The following SCMH1 variants were observed in gnomAD, a reference collection of about 807,000 sequenced individuals.
SCMH1 encodes polycomb protein SCMH1.
A neutral mutation model predicts 70.8 loss-of-function variants in SCMH1; 37 were observed. The observed-to-expected ratio is 0.52, with a 90% CI of 0.40 to 0.69. The LOEUF (loss-of-function observed/expected upper bound fraction) is 0.69. SCMH1 is among the 30% of genes least tolerant of loss of function. The pLI is 0.00. For synonymous variants in SCMH1, 292 were observed against 307.4 expected, an observed-to-expected ratio of 0.95 and a Z score of 0.52; for missense variants, 607 against 827.3, an observed-to-expected ratio of 0.73 and a Z score of 3.27.
chr1:41,159,736 C>T (rs1213158123), intron 4 of SCMH1: 1 of 1,532,372 alleles, frequency 6.5e-7, no homozygotes, highest in African/African-American at 1.4e-5. Flanking sequence ...TGCATTATTT[C>T]ATTTCATTCA....
In SCMH1 at chr1:41,083,789, T is replaced by C. The variant is rs865952386; in HGVS notation, c.746-8338A>G. 7.2e-5 allele frequency among the ~76,000 whole-genome samples: 11 copies of C among 152,128 alleles called. No homozygotes were observed. The South Asian group carries it at 1.9e-3, about 26-fold the overall frequency. On this transcript the variant is annotated intron_variant, in intron 8 of 14. Transcript: ENST00000337495. ...GTACCAAAACAGAGATATAGATCAA[T>C]GGAACAGAACAGAGCCCTCAGAAAT...
rs180724758 is a variant in SCMH1, at chr1:41,155,701, G to C, written c.107-4017C>G. Among the ~76,000 whole-genome samples, 5 of 152,224 alleles carry C rather than the reference G, an allele frequency of 3.3e-5. No individual in the cohort carries two copies. In the East Asian group the frequency reaches 9.6e-4, roughly 29 times the overall value. Reference sequence around the variant, plus strand: ...AGGTGATACAAAAGTTGACATTTGGGCCGGGCGCAGTAGTTCACTCCTGTA... The same window carrying C: ...AGGTGATACAAAAGTTGACATTTGGCCCGGGCGCAGTAGTTCACTCCTGTA... On this transcript the variant is annotated intron_variant, in intron 4 of 14. Coordinates refer to ENST00000337495, the Ensembl canonical transcript of SCMH1.
At chr1:41,203,356 T>TTAAAA (rs905376136) in intron 1 of SCMH1, among the ~76,000 whole-genome samples, 8 of 152,180 alleles carry the variant, frequency 5.3e-5, no homozygotes, top group Admixed American at 6.5e-5. Flanking sequence ...TTAAATTTAC[T>TTAAAA]TAAAATAAAA....
chr1:41,214,430 A>C (rs1557842898), intron 1 of SCMH1, among the ~76,000 whole-genome samples: 1 of 152,118 alleles, frequency 6.6e-6, no homozygotes, highest in African/African-American at 2.4e-5. Context: ...ATTTTGTCTT[A>C]CTTGAATTAG....
chr1:41,210,109 T>C (rs1033531109), intron 1 of SCMH1, among the ~76,000 whole-genome samples: 12 of 152,132 alleles, frequency 7.9e-5, no homozygotes, highest in Admixed American at 2.0e-4. Flanking sequence ...CCATTCACAA[T>C]TGCTACAAAG....
At chr1:41,077,369 T>C (rs1415156054) in intron 8 of SCMH1, among the ~76,000 whole-genome samples, 2 of 152,092 alleles carry the variant, frequency 1.3e-5, no homozygotes, top group African/African-American at 4.8e-5. Flanking sequence ...ATGTGGCCAG[T>C]TTTTCTCATT....
At chr1:41,107,184 A>G (rs934603220) in intron 8 of SCMH1, among the ~76,000 whole-genome samples, 1 of 151,876 alleles carries the variant, frequency 6.6e-6, no homozygotes, top group African/African-American at 2.4e-5. Flanking sequence ...ATAGCTATAG[A>G]GCAGCCCATG....
chr1:41,176,807 A>G (rs945374702), intron 2 of SCMH1, among the ~76,000 whole-genome samples: 5 of 152,200 alleles, frequency 3.3e-5, no homozygotes, highest in Non-Finnish European at 7.3e-5. Context: ...CTGCCTCTGT[A>G]GACTCCACCT....
At chr1:41,170,897 C>T (rs1190889692) in intron 2 of SCMH1, among the ~76,000 whole-genome samples, 2 of 152,194 alleles carry the variant, frequency 1.3e-5, no homozygotes, top group African/African-American at 2.4e-5. Flanking sequence ...TAGAATCCCA[C>T]ACACATTCAC....
intron 4 of SCMH1, among the ~76,000 whole-genome samples, chr1:41,158,230 G>A (rs574247106): frequency 6.6e-6 from 1 of 152,340 alleles, no homozygotes; most frequent in African/African-American, 2.4e-5. Flanking sequence ...AAAGCACTGT[G>A]CTGAGTGCTG....
At position 41,047,231 on chromosome 1, in the gene SCMH1, G is replaced by A. The variant is rs199777016; in HGVS notation, c.1307-633C>T. ...GTCATTCTCAAGAACCAGTTTTGAG[G>A]CAGGAGAAGAACCCCAGAGAGGGTA... On this transcript the variant is annotated intron_variant, in intron 11 of 14. Transcript: ENST00000337495. 2.0e-4 allele frequency among the ~76,000 whole-genome samples: 30 copies of A among 152,248 alleles called. No homozygotes were observed. The East Asian group carries it at 5.8e-3, about 29-fold the overall frequency.
At chr1:41,121,514 T>C (rs1442448809) in intron 6 of SCMH1, among the ~76,000 whole-genome samples, 1 of 152,198 alleles carries the variant, frequency 6.6e-6, no homozygotes, top group African/African-American at 2.4e-5. Context: ...GGCAACGACC[T>C]AGGCTGTCTA....
intron 6 of SCMH1, among the ~76,000 whole-genome samples, chr1:41,135,946 CTTT>C (rs904347707): frequency 6.4e-5 from 9 of 139,872 alleles, no homozygotes; most frequent in Admixed American, 7.2e-5. Context: ...TGTATATTTT[CTTT>C]TTTTTTTTTT....
At chr1:41,181,873 C>T (rs1329534342) in intron 2 of SCMH1, among the ~76,000 whole-genome samples, 20 of 152,286 alleles carry the variant, frequency 1.3e-4, no homozygotes, top group Admixed American at 3.9e-4. Context: ...GATTATAAAT[C>T]ATGCTGCTAT....
chr1:41,233,002 C>T (rs914822181), intron 1 of SCMH1, among the ~76,000 whole-genome samples: 2 of 152,170 alleles, frequency 1.3e-5, no homozygotes, highest in Non-Finnish European at 2.9e-5. Flanking sequence ...GAACCAGATT[C>T]CAGTTTTTGA....
At chr1:41,203,508 T>C (rs184639892) in intron 1 of SCMH1, among the ~76,000 whole-genome samples, 20 of 152,356 alleles carry the variant, frequency 1.3e-4, no homozygotes, top group African/African-American at 4.8e-4. Context: ...ATGTATTATG[T>C]TGTGTTGGGA....
chr1:41,113,003 AAG>A lies in SCMH1; in HGVS notation c.745+278_745+279del, dbSNP rs1314772137. On this transcript the variant is annotated intron_variant, in intron 8 of 14. Coordinates refer to ENST00000337495, the Ensembl canonical transcript of SCMH1. This position sits in a 1 kb window ranked among gnomAD's most constrained non-coding sequence, Gnocchi z 4.3. Reference sequence around the variant, plus strand: ...TTTGTAATGGGTTAGGGACAAAAGTAAGAGAGATGAAAAGCTGGTTGCCTGAG... The same window carrying A: ...TTTGTAATGGGTTAGGGACAAAAGTAAGAGATGAAAAGCTGGTTGCCTGAG... 6.6e-6 allele frequency among the ~76,000 whole-genome samples: 1 copy of A among 152,246 alleles called. No homozygotes were observed. Among genetic ancestry groups the A allele is most frequent in the African/African-American group, 2.4e-5 (1 of 41,468 alleles).
chr1:41,184,878 CTGAGA>C (rs1649754117), intron 2 of SCMH1, among the ~76,000 whole-genome samples: 1 of 152,116 alleles, frequency 6.6e-6, no homozygotes, highest in Non-Finnish European at 1.5e-5. Context: ...ATTATGGGAG[CTGAGA>C]TATTATAGTA....
intron 10 of SCMH1, among the ~76,000 whole-genome samples, chr1:41,053,364 A>G (rs1344077925): frequency 6.6e-6 from 1 of 152,204 alleles, no homozygotes; most frequent in Non-Finnish European, 1.5e-5. Context: ...ACAACACTGT[A>G]CCAGTTTCTG....
Sources: gnomAD v4.1 joint callset for allele counts (sites outside exome capture counted in the v4.1 genomes callset) on GRCh38, gnomAD v4.1.1 for gene constraint, Gnocchi (gnomAD v3.1) non-coding constraint, MANE v1.5 for transcripts, NCBI Gene and HGNC (gene_info 2026-07-23, HGNC 2026-07-21) for gene names.